ZNF804A: variants seen among roughly 807,000 people sequenced by gnomAD.
ZNF804A encodes the protein zinc finger protein 804A.
In ZNF804A, 2 loss-of-function variants were observed where a neutral mutation model predicts 16.5. That is an observed-to-expected ratio of 0.12 (90% CI 0.05 to 0.38). The LOEUF (loss-of-function observed/expected upper bound fraction) is 0.38, where lower values mean the gene tolerates loss of function less well. Ranked by LOEUF, ZNF804A falls within the 10% of genes least tolerant of loss-of-function variation. ZNF804A has a pLI of 0.99. For missense variants in ZNF804A, 1,473 were observed against 1,390.7 expected (o/e 1.06, Z -0.94); for synonymous variants, 534 against 489.6 (o/e 1.09, Z -1.20).
chr2:184,676,005 G>A (rs1386053237), intron 1 of ZNF804A, among the ~76,000 whole-genome samples: 1 of 151,718 alleles, frequency 6.6e-6, no homozygotes, highest in African/African-American at 2.4e-5. Context: ...ATACCACAAA[G>A]AGGGATAATA....
chr2:184,848,335 C>G (rs943073517), intron 1 of ZNF804A, among the ~76,000 whole-genome samples: 1 of 151,966 alleles, frequency 6.6e-6, no homozygotes, highest in Non-Finnish European at 1.5e-5. Flanking sequence ...CCACTTTTTC[C>G]ACATGCTTAT....
chr2:184,807,226 A>G (rs1336921823), intron 1 of ZNF804A, among the ~76,000 whole-genome samples: 4 of 151,934 alleles, frequency 2.6e-5, no homozygotes, highest in African/African-American at 9.7e-5. Flanking sequence ...AAATTGCAGG[A>G]CGCAAAGCCT....
In ZNF804A at chr2:184,832,058, C is replaced by T. The variant is rs948883204; in HGVS notation, c.112-34311C>T. 1.8e-4 allele frequency among the ~76,000 whole-genome samples: 27 copies of T among 152,018 alleles called. 1 individual carries two copies. The highest frequency in any genetic ancestry group is 6.5e-4 in the African/African-American group (27 of 41,430). On this transcript the variant is annotated intron_variant, in intron 1 of 3. Transcript: ENST00000302277. Reference sequence around the variant, plus strand: ...TCTGTAGGGCTTTTATTCAGTCTCTCTCATTTCAATGATTATAAATTCATC... The same window carrying T: ...TCTGTAGGGCTTTTATTCAGTCTCTTTCATTTCAATGATTATAAATTCATC...
intron 2 of ZNF804A, among the ~76,000 whole-genome samples, chr2:184,925,623 T>A (rs1002290230): frequency 6.6e-6 from 1 of 152,024 alleles, no homozygotes; most frequent in Non-Finnish European, 1.5e-5. Flanking sequence ...CTTTCTTCTT[T>A]CTTTCCTTCC....
intron 1 of ZNF804A, among the ~76,000 whole-genome samples, chr2:184,768,904 G>A (rs961872981): frequency 4.6e-5 from 7 of 151,898 alleles, no homozygotes; most frequent in African/African-American, 1.7e-4. Flanking sequence ...CCCTTTAGTC[G>A]ATTTTGTCTC....
chr2:184,897,334 A>C (rs1373306090), intron 2 of ZNF804A, among the ~76,000 whole-genome samples: 4 of 151,896 alleles, frequency 2.6e-5, no homozygotes, highest in Non-Finnish European at 4.4e-5. Context: ...TCCCCTTTCC[A>C]TACAGCAATT....
rs11403403 is a variant in ZNF804A, at chr2:184,823,255, A to AT, written c.112-43110dup. 5.6e-3 allele frequency among the ~76,000 whole-genome samples: 853 copies of AT among 152,200 alleles called. 26 individuals are homozygous for AT. The highest frequency in any genetic ancestry group is 0.052 in the Admixed American group (788 of 15,242). On this transcript the variant is annotated intron_variant, in intron 1 of 3. Transcript: ENST00000302277. ...AGGGCCCACCTAGATTGATCCAGTG[A>AT]TTTTATAAGGTCATTAATCCCATTT... is the stretch of plus-strand genomic sequence containing the variant.
At chr2:184,781,358 C>T (rs2105773800) in intron 1 of ZNF804A, among the ~76,000 whole-genome samples, 1 of 151,718 alleles carries the variant, frequency 6.6e-6, no homozygotes, top group African/African-American at 2.4e-5. Context: ...CTATACTTTT[C>T]CCCAGGAGAG....
chr2:184,921,330 GT>G (rs946095881), intron 2 of ZNF804A, among the ~76,000 whole-genome samples: 22 of 151,542 alleles, frequency 1.5e-4, no homozygotes, highest in South Asian at 4.2e-4. Flanking sequence ...TATTAGGTGA[GT>G]TTTTTTTTAC....
At chr2:184,739,202 C>T (rs1574188963) in intron 1 of ZNF804A, among the ~76,000 whole-genome samples, 1 of 152,052 alleles carries the variant, frequency 6.6e-6, no homozygotes, top group Admixed American at 6.6e-5. Context: ...CCTAATTGCA[C>T]CCACCATGTA....
At chr2:184,704,358 G>A (rs866188140) in intron 1 of ZNF804A, among the ~76,000 whole-genome samples, 29 of 151,892 alleles carry the variant, frequency 1.9e-4, no homozygotes, top group African/African-American at 6.0e-4. Flanking sequence ...CTCCATATTG[G>A]TCAGGCTGGT....
At position 184,937,455 on chromosome 2, in the gene ZNF804A, A is replaced by G. The variant is rs759600621; in HGVS notation, c.2059A>G (p.Ile687Val). Residue 687 changes from isoleucine (I) to valine (V), a missense_variant, in exon 4 of 4, where the codon ATC becomes GTC. Ile to Val is a conservative substitution (Grantham distance 29). Coordinates refer to ENST00000302277, the MANE Select transcript of ZNF804A (RefSeq NM_194250.2). ...TACTGAATACAACACTTATGATACT[A>G]TCAGTTCTAAAAACCACTGTAAAAA... Reference protein sequence around the residue: ...WNTEYNTYDTISSKNHCKKNT... With the variant: ...WNTEYNTYDTVSSKNHCKKNT... 5.6e-6 allele frequency: 9 copies of G among 1,606,978 alleles called. No individual in the cohort carries two copies. The highest frequency in any genetic ancestry group is 7.6e-6 in the Non-Finnish European group (9 of 1,177,666).
intron 1 of ZNF804A, among the ~76,000 whole-genome samples, chr2:184,792,098 C>G (rs971567852): frequency 6.6e-6 from 1 of 152,072 alleles, no homozygotes; most frequent in Non-Finnish European, 1.5e-5. Flanking sequence ...CAAGTTTTGG[C>G]AATTATGAAT....
chr2:184,691,097 T>G (rs1245948054), intron 1 of ZNF804A, among the ~76,000 whole-genome samples: 2 of 152,026 alleles, frequency 1.3e-5, no homozygotes, highest in African/African-American at 4.8e-5. Flanking sequence ...ATGGTACTTT[T>G]ATGCACAACA....
intron 2 of ZNF804A, among the ~76,000 whole-genome samples, chr2:184,905,406 AT>A (rs112704846): frequency 4.0e-5 from 6 of 151,034 alleles, no homozygotes; most frequent in East Asian, 1.9e-4. Context: ...ATATAACAGC[AT>A]TTTTTTTTAG....
intron 1 of ZNF804A, among the ~76,000 whole-genome samples, chr2:184,843,616 A>C (rs1165099827): frequency 6.6e-6 from 1 of 151,752 alleles, no homozygotes; most frequent in Admixed American, 6.6e-5. Context: ...AAGTTACATA[A>C]CTCCCTTGTG....
chr2:184,926,500 T>C (rs1685615188), intron 2 of ZNF804A, among the ~76,000 whole-genome samples: 1 of 152,082 alleles, frequency 6.6e-6, no homozygotes. Context: ...GGTTAAATCT[T>C]CATGGTGTTC....
intron 1 of ZNF804A, among the ~76,000 whole-genome samples, chr2:184,847,049 C>T (rs1281381745): frequency 1.3e-5 from 2 of 152,108 alleles, no homozygotes; most frequent in Non-Finnish European, 2.9e-5. Context: ...GTACCTCTTT[C>T]CTTGAAACTA....
intron 1 of ZNF804A, among the ~76,000 whole-genome samples, chr2:184,747,909 G>T (rs1693817420): frequency 6.6e-6 from 1 of 151,220 alleles, no homozygotes; most frequent in African/African-American, 2.4e-5. Context: ...GCAGTATTTG[G>T]TTTTCTCTTC....
Sources: allele counts gnomAD v4.1 joint callset (sites outside exome capture counted in the v4.1 genomes callset), GRCh38; gene constraint gnomAD v4.1.1; transcripts MANE v1.5; gene names NCBI Gene and HGNC (gene_info 2026-07-23, HGNC 2026-07-21).